DCAF17: variants seen among roughly 807,000 people sequenced by gnomAD.
DCAF17 encodes DDB1- and CUL4-associated factor 17.
Under a neutral mutation model 66.0 loss-of-function variants are expected in DCAF17, and 48 were observed. The ratio of observed to expected loss-of-function variants is 0.73; its 90% confidence interval spans 0.58 to 0.92. The LOEUF is 0.92. Among genes scored for constraint, DCAF17 ranks in the 40% least tolerant of loss-of-function variants. DCAF17 has a pLI of 0.00. For synonymous variants in DCAF17, 206 were observed against 214.6 expected (o/e 0.96, Z 0.35); for missense variants, 562 against 622.8 (o/e 0.90, Z 1.04).
chr2:171,483,446 A>G lies in DCAF17; in HGVS notation c.*2332A>G, dbSNP rs1260572604. The G allele has an allele frequency of 4.4e-6, 2 of 454,012 alleles. No individual in the cohort carries two copies. The highest frequency in any genetic ancestry group is 8.8e-6 in the Non-Finnish European group (2 of 226,800). 28.1% of individuals were successfully genotyped at this position (454,012 alleles called of 1,614,324 possible). A position where few individuals can be genotyped will look rare whatever the true frequency, so the allele number is the denominator to read the frequency against. On this transcript the variant is annotated 3_prime_UTR_variant, in exon 14 of 14. Transcript: ENST00000375255. ...ATTCTGCATTGCACTCCTGGATCTA[A>G]GTTTCTGCATTCTCAGAGCATCAAT...
At chr2:171,465,113 G>A (rs1213604115) in intron 8 of DCAF17, among the ~76,000 whole-genome samples, 2 of 151,864 alleles carry the variant, frequency 1.3e-5, no homozygotes, top group South Asian at 2.1e-4. Context: ...CAGGAGAATC[G>A]CATGAACCCG....
At chr2:171,464,605 G>A (rs1695787143) in intron 8 of DCAF17, among the ~76,000 whole-genome samples, 1 of 152,190 alleles carries the variant, frequency 6.6e-6, no homozygotes, top group East Asian at 1.9e-4. Flanking sequence ...CTGGGGGTTA[G>A]GACTTTAACA....
At chr2:171,457,804 A>G (rs141675528) in intron 6 of DCAF17, among the ~76,000 whole-genome samples, 167 bp from the exon 7 acceptor site, 1 of 152,316 alleles carries the variant, frequency 6.6e-6, no homozygotes, top group East Asian at 1.9e-4. Flanking sequence ...GTTCACTCCT[A>G]ATAACACCCT....
chr2:171,444,285 G>C (rs1210745184), intron 3 of DCAF17, among the ~76,000 whole-genome samples: 1 of 152,062 alleles, frequency 6.6e-6, no homozygotes, highest in African/African-American at 2.4e-5. Flanking sequence ...TTTGATCATA[G>C]AACTTCCTTG....
At chr2:171,457,373 C>T (rs1695320000) in intron 6 of DCAF17, among the ~76,000 whole-genome samples, 1 of 152,130 alleles carries the variant, frequency 6.6e-6, no homozygotes, top group African/African-American at 2.4e-5. Context: ...AGGACATCTT[C>T]ATTTAAGTAG....
At position 171,434,722 on chromosome 2, in the gene DCAF17, G is replaced by T; in HGVS notation, c.126+19G>T. Reference sequence around the variant, plus strand: ...GTGCCAGGTGACCGCCAGCCGGCCGGGGCGGGACGGAGGGCCGCGGGCGCG... The same window carrying T: ...GTGCCAGGTGACCGCCAGCCGGCCGTGGCGGGACGGAGGGCCGCGGGCGCG... On this transcript the variant is annotated intron_variant, in intron 1 of 13. Transcript: ENST00000375255. The T allele has an allele frequency of 1.4e-6, 2 of 1,425,770 alleles. No homozygotes were observed. Among genetic ancestry groups the T allele is most frequent in the Non-Finnish European group, 1.8e-6 (2 of 1,103,046 alleles). 88.3% of individuals were successfully genotyped at this position (1,425,770 alleles called of 1,614,324 possible).
Position 171,443,560 on chromosome 2 carries a change from A to C in DCAF17, c.268A>C (p.Lys90Gln). ...GCCAAGAAAACTTTATGAAATGCCAAAATGTTCCAAATCAGAAAAAATAGA... is the reference window on the plus strand; with the variant it reads ...GCCAAGAAAACTTTATGAAATGCCACAATGTTCCAAATCAGAAAAAATAGA... ...SEPRKLYEMP[K>Q]CSKSEKIEDA... Residue 90 changes from lysine to glutamine, a missense_variant, in exon 3 of 14, where the codon AAA (lysine) becomes CAA (glutamine). Physicochemically the swap from Lys to Gln is moderately conservative, Grantham distance 53. Around this residue, in one of 3 missense-constraint regions of DCAF17, gnomAD observed 348 missense variants for 355.9 expected, o/e 0.98. Coordinates refer to ENST00000375255, the MANE Select transcript of DCAF17 (RefSeq NM_025000.4). 6.2e-7 allele frequency: 1 copy of C among 1,613,160 alleles called. No individual in the cohort carries two copies. The highest frequency in any genetic ancestry group is 8.5e-7 in the Non-Finnish European group (1 of 1,179,498).
intron 8 of DCAF17, among the ~76,000 whole-genome samples, chr2:171,459,593 G>A (rs909426294): frequency 6.6e-6 from 1 of 152,098 alleles, no homozygotes; most frequent in Non-Finnish European, 1.5e-5. Context: ...ATTTTTAGGT[G>A]AAATGCCAAA....
chr2:171,465,610 G>C (rs1695854640), intron 8 of DCAF17, among the ~76,000 whole-genome samples: 1 of 152,086 alleles, frequency 6.6e-6, no homozygotes, highest in South Asian at 2.1e-4. Context: ...CTCCTGGGTA[G>C]CTGGGACTAC....
intron 3 of DCAF17, chr2:171,447,358 T>G (rs1396631557): frequency 2.8e-6 from 1 of 357,898 alleles, no homozygotes; most frequent in Non-Finnish European, 5.5e-6. Context: ...TCTCTTTACT[T>G]TCTTTCTTTC....
intron 2 of DCAF17, among the ~76,000 whole-genome samples, chr2:171,437,785 A>C (rs1311113972): frequency 1.3e-5 from 2 of 152,160 alleles, no homozygotes; most frequent in Non-Finnish European, 2.9e-5. Flanking sequence ...TCATATTAGT[A>C]ATCAATTTTG....
At chr2:171,436,774 ATTT>A (rs147733426) in intron 2 of DCAF17, among the ~76,000 whole-genome samples, 3 of 136,400 alleles carry the variant, frequency 2.2e-5, no homozygotes, top group Non-Finnish European at 1.6e-5. Context: ...AGAGAGGTTA[ATTT>A]TTTTTTTTTT....
Position 171,483,608 on chromosome 2 carries a change from TCA to T in DCAF17, c.*2497_*2498del. The T allele has an allele frequency of 2.2e-6, 1 of 454,120 alleles. No individual in the cohort carries two copies. Among genetic ancestry groups the T allele is most frequent in the Non-Finnish European group, 4.4e-6 (1 of 226,802 alleles). The allele number at this position is 454,120 out of a possible 1,614,324, so 28.1% of individuals were successfully genotyped here. ...CTCTGTTTAGACAAATTAAGGCACT[TCA>T]CATTCTTCCACCAATTGAAAGTTTT... is the stretch of plus-strand genomic sequence containing the variant. On this transcript the variant is annotated 3_prime_UTR_variant, in exon 14 of 14. Coordinates refer to ENST00000375255, the MANE Select transcript of DCAF17 (RefSeq NM_025000.4).
At position 171,458,012 on chromosome 2, in the gene DCAF17, A is replaced by G. The variant is rs1695358228; in HGVS notation, c.669A>G (p.Ile223Met). The G allele has an allele frequency of 1.2e-5, 20 of 1,614,126 alleles. No homozygotes were observed. The highest frequency in any genetic ancestry group is 1.6e-5 in the Non-Finnish European group (19 of 1,179,984). The change falls in exon 7 of 14, where the codon ATA (isoleucine) becomes ATG (methionine). Residue 223 changes from isoleucine (I) to methionine (M), a missense_variant. This residue lies in a region of DCAF17 where 348 missense variants were observed against 355.9 expected (regional missense o/e 0.98). Transcript: ENST00000375255. ...NVTDATLSHG[I>M]LIVMYSSGLV... ...CAGATGCTACCTTGTCTCATGGAAT[A>G]CTGATTGTGATGTACAGCTCAGGAC...
At chr2:171,471,841 C>A (rs914830883) in intron 9 of DCAF17, among the ~76,000 whole-genome samples, 3 of 151,884 alleles carry the variant, frequency 2.0e-5, no homozygotes, top group Admixed American at 2.0e-4. Flanking sequence ...ATGGTGAAAC[C>A]CTGCCTCCAC....
At chr2:171,439,883 G>T (rs985590124) in intron 2 of DCAF17, among the ~76,000 whole-genome samples, 1 of 152,134 alleles carries the variant, frequency 6.6e-6, no homozygotes, top group South Asian at 2.1e-4. Flanking sequence ...AGTTGTGATT[G>T]CATGCCACTG....
At position 171,454,288 on chromosome 2, in the gene DCAF17, A is replaced by AT. The variant is rs1205261547; in HGVS notation, c.627+1089dup. ...ATAGCAGTCATTATTATTATTATTA[A>AT]TTTTTTTTTTTTTTGAGACAGAGTC... On this transcript the variant is annotated intron_variant, in intron 6 of 13. Transcript: ENST00000375255. Among the ~76,000 whole-genome samples the AT allele has an allele frequency of 2.1e-3, 307 of 144,556 alleles. 1 individual carries two copies. The highest frequency in any genetic ancestry group is 4.8e-3 in the African/African-American group (192 of 39,848). 94.8% of individuals were successfully genotyped at this position (144,556 alleles called of 152,430 possible).
intron 9 of DCAF17, chr2:171,473,021 A>G (rs961068199): frequency 2.1e-5 from 4 of 190,064 alleles, no homozygotes; most frequent in African/African-American, 9.5e-5. Flanking sequence ...TAATTTCTAA[A>G]TATACTACAG....
chr2:171,458,537 TATTA>T (rs1695394761), intron 8 of DCAF17, 60 bp downstream of exon 8: 2 of 1,243,776 alleles, frequency 1.6e-6, no homozygotes, highest in African/African-American at 1.5e-5. Flanking sequence ...TATAAATAGT[TATTA>T]ATTATAGTCA....
Sources: gnomAD v4.1 joint callset for allele counts (sites outside exome capture counted in the v4.1 genomes callset) on GRCh38, gnomAD v4.1.1 for gene constraint, gnomAD v4.1.1 regional missense constraint, MANE v1.5 for transcripts, NCBI Gene and HGNC (gene_info 2026-07-23, HGNC 2026-07-21) for gene names.